Variants in IFT80 observed in about 807,000 individuals in gnomAD.
IFT80 encodes the protein intraflagellar transport 80, also known as intraflagellar transport protein 80 homolog.
In IFT80, 79 loss-of-function variants were observed where a neutral mutation model predicts 107.9. The observed-to-expected ratio is 0.73, with a 90% confidence interval of 0.61 to 0.88. The LOEUF (loss-of-function observed/expected upper bound fraction) is 0.88. IFT80 is among the 40% of genes least tolerant of loss of function. IFT80 has a pLI of 0.00. For missense variants in IFT80, 797 were observed against 914.2 expected (o/e 0.87, Z 1.65); for synonymous variants, 299 against 300.9 (o/e 0.99, Z 0.07).
At chr3:160,386,267 T>C (rs1439353794) in intron 1 of IFT80, among the ~76,000 whole-genome samples, 1 of 152,208 alleles carries the variant, frequency 6.6e-6, no homozygotes, top group East Asian at 1.9e-4. Context: ...GAATGACATG[T>C]GTACTTTCAT....
chr3:160,272,656 ACCT>A (rs1250758188), intron 18 of IFT80, among the ~76,000 whole-genome samples: 1 of 152,064 alleles, frequency 6.6e-6, no homozygotes, highest in Non-Finnish European at 1.5e-5. Context: ...TTCGTGATAA[ACCT>A]CAGCCATACT....
At chr3:160,371,501 G>A (rs894696317) in intron 5 of IFT80, among the ~76,000 whole-genome samples, 8 of 152,100 alleles carry the variant, frequency 5.3e-5, no homozygotes, top group African/African-American at 1.9e-4. Flanking sequence ...GAGTGCAGCG[G>A]CATGATCACA....
rs555123804 is a variant in IFT80, at chr3:160,381,485, T to A, written c.259+18A>T. 3 of 1,555,190 alleles carry A rather than the reference T, an allele frequency of 1.9e-6. 1 individual carries two copies. The highest frequency in any genetic ancestry group is 2.7e-6 in the Non-Finnish European group (3 of 1,126,472). ...TTTAAATACAATGGCGAGCATATAA[T>A]GTTTATTTAAAACTTACCATCAGAA... On this transcript the variant is annotated intron_variant, in intron 3 of 19. Coordinates refer to ENST00000326448, the MANE Select transcript of IFT80 (RefSeq NM_020800.3).
At chr3:160,334,854 T>C (rs1006973971) in intron 8 of IFT80, among the ~76,000 whole-genome samples, 1 of 151,954 alleles carries the variant, frequency 6.6e-6, no homozygotes, top group Admixed American at 6.6e-5. Context: ...AATGATAAAA[T>C]GTCCACATTC....
intron 1 of IFT80, among the ~76,000 whole-genome samples, chr3:160,388,803 A>G (rs1713138608): frequency 6.6e-6 from 1 of 152,156 alleles, no homozygotes; most frequent in Non-Finnish European, 1.5e-5. Flanking sequence ...AGAAGAGGGA[A>G]GCAGAAGAAA....
At chr3:160,323,553 A>G (rs1474016710) in intron 8 of IFT80, among the ~76,000 whole-genome samples, 2 of 152,164 alleles carry the variant, frequency 1.3e-5, no homozygotes, top group East Asian at 3.8e-4. Flanking sequence ...AAATGAAGGC[A>G]GAAATAAAGA....
intron 18 of IFT80, among the ~76,000 whole-genome samples, chr3:160,276,127 C>G (rs1047185537): frequency 6.6e-6 from 1 of 151,896 alleles, no homozygotes; most frequent in Non-Finnish European, 1.5e-5. Flanking sequence ...CTCAGCCTCC[C>G]GAAGTGTTGG....
At chr3:160,279,109 T>G in intron 16 of IFT80, 84 bp downstream of exon 16, 1 of 1,116,182 alleles carries the variant, frequency 9.0e-7, no homozygotes, top group South Asian at 1.3e-5. Flanking sequence ...TTCCAGCCTT[T>G]AAGCCTATTA....
At chr3:160,362,681 T>C (rs562290428) in intron 6 of IFT80, among the ~76,000 whole-genome samples, 7 of 152,272 alleles carry the variant, frequency 4.6e-5, no homozygotes, top group African/African-American at 1.4e-4. Context: ...CATGATCAAG[T>C]TGGCTTCATC....
At chr3:160,345,713 A>AG (rs1720243985) in intron 8 of IFT80, among the ~76,000 whole-genome samples, 1 of 151,290 alleles carries the variant, frequency 6.6e-6, no homozygotes, top group Non-Finnish European at 1.5e-5. Flanking sequence ...AAAAAAAAAA[A>AG]AGAGAAGGAT....
rs147122400 is a variant in IFT80, at chr3:160,363,192, G to A, written c.549+2851C>T. Among the ~76,000 whole-genome samples, 676 of 152,158 alleles carry A rather than the reference G, an allele frequency of 4.4e-3. 5 individuals carry two copies. The highest frequency in any genetic ancestry group is 0.016 in the African/African-American group (648 of 41,508). ...AAGTCTCAGGATACAAAATCAGTAT[G>A]CAAAAATCACAACCATTTCTATACA... On this transcript the variant is annotated intron_variant, in intron 6 of 19. Transcript: ENST00000326448.
chr3:160,358,500 T>C (rs1186003619), intron 6 of IFT80, among the ~76,000 whole-genome samples: 2 of 152,226 alleles, frequency 1.3e-5, no homozygotes, highest in African/African-American at 4.8e-5. Context: ...CATAGATAAG[T>C]ATATATTCTA....
chr3:160,265,773 T>C (rs1247242112), intron 19 of IFT80, among the ~76,000 whole-genome samples: 2 of 152,196 alleles, frequency 1.3e-5, no homozygotes, highest in Non-Finnish European at 2.9e-5. Flanking sequence ...ATGGTATGCA[T>C]TGTGAGCCCA....
chr3:160,329,884 GGAA>G (rs1718965800), intron 8 of IFT80, among the ~76,000 whole-genome samples: 1 of 151,796 alleles, frequency 6.6e-6, no homozygotes, highest in South Asian at 2.1e-4. Flanking sequence ...ACCTAAGATG[GGAA>G]GAAGAGACAT....
chr3:160,347,008 A>C (rs1720340185), intron 8 of IFT80, among the ~76,000 whole-genome samples: 1 of 152,182 alleles, frequency 6.6e-6, no homozygotes, highest in African/African-American at 2.4e-5. Context: ...AGAGATTTCT[A>C]AGGCGTCAAA....
In IFT80 at chr3:160,292,511, G is replaced by A. The variant is rs1024967623; in HGVS notation, c.1316-6643C>T. ...TTTTTTTTTTTTGAGACGGAGTCTC[G>A]CTCTGTCACCCAGGCTGGAGTGCAG... On this transcript the variant is annotated intron_variant, in intron 12 of 19. Transcript: ENST00000326448. 1.2e-4 allele frequency among the ~76,000 whole-genome samples: 15 copies of A among 128,298 alleles called. No individual in the cohort carries two copies. In the East Asian group the frequency reaches 2.7e-3, roughly 23 times the overall value. 84.2% of individuals were successfully genotyped at this position (128,298 alleles called of 152,430 possible). A position where few individuals can be genotyped will look rare whatever the true frequency, so the allele number is the denominator to read the frequency against.
intron 8 of IFT80, among the ~76,000 whole-genome samples, chr3:160,321,570 T>G (rs1445498026): frequency 6.6e-6 from 1 of 151,952 alleles, no homozygotes; most frequent in Non-Finnish European, 1.5e-5. Context: ...GCATCCTATG[T>G]TTTTTTCTAT....
intron 1 of IFT80, among the ~76,000 whole-genome samples, chr3:160,394,918 C>G (rs1043542385): frequency 6.6e-6 from 1 of 152,100 alleles, no homozygotes; most frequent in Admixed American, 6.6e-5. Flanking sequence ...GATACCAAAA[C>G]ATTTTCTGGG....
intron 10 of IFT80, among the ~76,000 whole-genome samples, chr3:160,306,837 C>T (rs1371296504): frequency 6.6e-6 from 1 of 152,120 alleles, no homozygotes; most frequent in East Asian, 1.9e-4. Flanking sequence ...TATTTTAATT[C>T]ATTTATTCAT....
Sources: allele counts gnomAD v4.1 joint callset (sites outside exome capture counted in the v4.1 genomes callset), GRCh38; gene constraint gnomAD v4.1.1; transcripts MANE v1.5; gene names NCBI Gene and HGNC (gene_info 2026-07-23, HGNC 2026-07-21).